The following RAMP1 variants were observed in gnomAD, a reference collection of about 807,000 sequenced individuals.
The protein encoded by RAMP1 is receptor activity-modifying protein 1.
RAMP1 carries 7 observed loss-of-function variants against 8.2 expected under a neutral mutation model. The observed-to-expected ratio is 0.85, with a 90% CI of 0.49 to 1.60. RAMP1 has a LOEUF of 1.60. Among genes scored for constraint, RAMP1 ranks in the 40% most tolerant of loss-of-function variants. RAMP1 has a pLI of 0.00. For synonymous variants in RAMP1, 92 were observed against 84.7 expected (o/e 1.09, Z -0.47); for missense variants, 192 against 202.4 (o/e 0.95, Z 0.31).
chr2:237,878,104 A>C lies in RAMP1; in HGVS notation c.191+742A>C. The C allele has an allele frequency of 1.0e-6, 1 of 985,402 alleles. No individual in the cohort carries two copies. The highest frequency in any genetic ancestry group is 1.1e-4 in the East Asian group (1 of 8,810). 61.0% of individuals were successfully genotyped at this position (985,402 alleles called of 1,614,324 possible). ...AGGCGCTGGGGTGTCCTGGGGCTGCAGTGGGTGAGTAGCGGGGTCAGCAGT... is the reference window on the plus strand; with the variant it reads ...AGGCGCTGGGGTGTCCTGGGGCTGCCGTGGGTGAGTAGCGGGGTCAGCAGT... On this transcript the variant is annotated intron_variant, in intron 2 of 2. Coordinates refer to ENST00000254661, the MANE Select transcript of RAMP1 (RefSeq NM_005855.4). This position sits in a 1 kb window ranked among gnomAD's most constrained non-coding sequence, Gnocchi z 5.7.
At chr2:237,896,426 AG>A (rs2062542789) in intron 2 of RAMP1, among the ~76,000 whole-genome samples, 1 of 152,164 alleles carries the variant, frequency 6.6e-6, no homozygotes, top group East Asian at 1.9e-4. Context: ...CCACCATAGC[AG>A]GAGAAGGGGA....
chr2:237,861,585 C>T (rs573704560), intron 1 of RAMP1, among the ~76,000 whole-genome samples: 3 of 152,254 alleles, frequency 2.0e-5, no homozygotes, highest in East Asian at 3.9e-4. Context: ...TGGTGACTCA[C>T]GCCTGTAATC....
At position 237,883,584 on chromosome 2, in the gene RAMP1, G is replaced by A. The variant is rs1049725756; in HGVS notation, c.191+6222G>A. Reference sequence around the variant, plus strand: ...TAATCCCAACACTTTGGGAGGCCAAGGCAGAAGAATTACTTAAGCCCAGGA... The same window carrying A: ...TAATCCCAACACTTTGGGAGGCCAAAGCAGAAGAATTACTTAAGCCCAGGA... On this transcript the variant is annotated intron_variant, in intron 2 of 2. Coordinates refer to ENST00000254661, the MANE Select transcript of RAMP1 (RefSeq NM_005855.4). Among the ~76,000 whole-genome samples, 6 of 152,312 alleles carry A rather than the reference G, an allele frequency of 3.9e-5. No homozygotes were observed. In the East Asian group the frequency reaches 7.7e-4, roughly 20 times the overall value.
At chr2:237,870,133 CTT>C (rs2062230189) in intron 1 of RAMP1, among the ~76,000 whole-genome samples, 2 of 152,264 alleles carry the variant, frequency 1.3e-5, no homozygotes, top group African/African-American at 2.4e-5. Context: ...GTTGTCTAGT[CTT>C]TTGTCTGTGT....
intron 1 of RAMP1, among the ~76,000 whole-genome samples, chr2:237,860,617 T>C (rs1344061758): frequency 6.6e-6 from 1 of 152,248 alleles, no homozygotes; most frequent in Non-Finnish European, 1.5e-5. Flanking sequence ...TAACGGAAAC[T>C]GTGAATAGGT....
chr2:237,876,718 G>A lies in RAMP1; in HGVS notation c.53-506G>A, dbSNP rs571109008. On this transcript the variant is annotated intron_variant, in intron 1 of 2. Transcript: ENST00000254661. ...CAATCCTGATTCTGTGCGGGGCATC[G>A]CTGGGCAGGTCACTGTTGCTCTGGT... 2.2e-3 allele frequency among the ~76,000 whole-genome samples: 328 copies of A among 152,270 alleles called. 1 individual carries two copies. Among genetic ancestry groups the A allele is most frequent in the African/African-American group, 7.4e-3 (307 of 41,564 alleles).
At chr2:237,869,263 T>A (rs1206206295) in intron 1 of RAMP1, among the ~76,000 whole-genome samples, 1 of 152,256 alleles carries the variant, frequency 6.6e-6, no homozygotes, top group Admixed American at 6.5e-5. Flanking sequence ...ATTGCTTTTT[T>A]AATTTTAATT....
chr2:237,876,158 G>C (rs1025860088), intron 1 of RAMP1, among the ~76,000 whole-genome samples: 1 of 152,184 alleles, frequency 6.6e-6, no homozygotes, highest in East Asian at 1.9e-4. Context: ...AGTCCGAGGG[G>C]CCCCTCGAGC....
intron 2 of RAMP1, among the ~76,000 whole-genome samples, chr2:237,879,705 T>C (rs74409621): frequency 0.21 from 28,606 of 136,398 alleles, 3,100 homozygotes; most frequent in East Asian, 0.42. Context: ...AAAAAAAAAA[T>C]CTGACCGGGC....
intron 2 of RAMP1, among the ~76,000 whole-genome samples, chr2:237,909,037 G>A (rs1274790592): frequency 6.6e-6 from 1 of 152,146 alleles, no homozygotes; most frequent in Non-Finnish European, 1.5e-5. Flanking sequence ...GGGGTGAAGG[G>A]GACTCAGCAC....
chr2:237,885,601 G>GGAC (rs1244087672), intron 2 of RAMP1, among the ~76,000 whole-genome samples: 1 of 152,250 alleles, frequency 6.6e-6, no homozygotes, highest in African/African-American at 2.4e-5. Flanking sequence ...GGACAGGACA[G>GGAC]ATGGCAGTGC....
At chr2:237,900,662 C>T (rs369594663) in intron 2 of RAMP1, among the ~76,000 whole-genome samples, 5 of 151,966 alleles carry the variant, frequency 3.3e-5, no homozygotes, top group Non-Finnish European at 7.4e-5. Context: ...TATAGTATTG[C>T]CGATCTTGTT....
chr2:237,863,292 TGAA>T (rs961731181), intron 1 of RAMP1, among the ~76,000 whole-genome samples: 29 of 152,178 alleles, frequency 1.9e-4, no homozygotes, highest in African/African-American at 6.5e-4. Flanking sequence ...TGGTGGCAAA[TGAA>T]GAGGCAGAGA....
At chr2:237,895,180 C>T (rs954033480) in intron 2 of RAMP1, among the ~76,000 whole-genome samples, 12 of 152,090 alleles carry the variant, frequency 7.9e-5, no homozygotes, top group South Asian at 6.2e-4. Flanking sequence ...GAGTCAGGAG[C>T]GAGACAGGAG....
At chr2:237,885,244 G>A (rs976489310) in intron 2 of RAMP1, among the ~76,000 whole-genome samples, 1 of 152,190 alleles carries the variant, frequency 6.6e-6, no homozygotes, top group Non-Finnish European at 1.5e-5. Context: ...GGGCTGTCTG[G>A]GCCAAGGGCA....
At chr2:237,893,422 C>G (rs780584308) in intron 2 of RAMP1, among the ~76,000 whole-genome samples, 1 of 152,150 alleles carries the variant, frequency 6.6e-6, no homozygotes, top group Non-Finnish European at 1.5e-5. Context: ...TCTCCAGGAC[C>G]GGACACTGAC....
chr2:237,888,347 G>T (rs763453723), intron 2 of RAMP1, among the ~76,000 whole-genome samples: 1 of 151,928 alleles, frequency 6.6e-6, no homozygotes, highest in South Asian at 2.1e-4. Flanking sequence ...CACCACGCCC[G>T]GCCCATTCTG....
chr2:237,875,377 T>G (rs1201202314), intron 1 of RAMP1, among the ~76,000 whole-genome samples: 1 of 151,764 alleles, frequency 6.6e-6, no homozygotes, highest in East Asian at 1.9e-4. Flanking sequence ...CCTCCTGAGG[T>G]GTCCCCGGGG....
Position 237,911,725 on chromosome 2 carries a change from C to A in RAMP1, c.389C>A (p.Thr130Asn), listed in dbSNP as rs368639254. The part of the protein sequence containing the change: ...YPFIVVPITV[T>N]LLVTALVVWQ... ...TTCATCGTGGTCCCCATCACGGTGA[C>A]CCTGCTGGTGACGGCACTGGTGGTC... Residue 130 changes from threonine to asparagine, a missense_variant, in exon 3 of 3, where the codon ACC becomes AAC. By Grantham distance (65) the Thr-to-Asn change is moderately conservative. Coordinates refer to ENST00000254661, the MANE Select transcript of RAMP1 (RefSeq NM_005855.4). 4 of 1,613,562 alleles carry A rather than the reference C, an allele frequency of 2.5e-6. No homozygotes were observed. The highest frequency in any genetic ancestry group is 2.7e-5 in the African/African-American group (2 of 74,946).
Sources: gnomAD v4.1 joint callset for allele counts (sites outside exome capture counted in the v4.1 genomes callset) on GRCh38, gnomAD v4.1.1 for gene constraint, Gnocchi (gnomAD v3.1) non-coding constraint, MANE v1.5 for transcripts, NCBI Gene and HGNC (gene_info 2026-07-23, HGNC 2026-07-21) for gene names.